Variants in BRINP3 observed in about 807,000 individuals in gnomAD.
BRINP3 encodes BMP/retinoic acid-inducible neural-specific protein 3.
Under a neutral mutation model 71.0 loss-of-function variants are expected in BRINP3, and 19 were observed. That is an observed-to-expected ratio of 0.27 (90% CI 0.19 to 0.39). The LOEUF (loss-of-function observed/expected upper bound fraction) is 0.39, where lower values mean the gene tolerates loss of function less well. Ranked by LOEUF, BRINP3 falls within the 10% of genes least tolerant of loss-of-function variation. BRINP3 has a pLI of 1.00. For synonymous variants in BRINP3, 380 were observed against 337.7 expected, an observed-to-expected ratio of 1.13 and a Z score of -1.37; for missense variants, 959 against 940.8, an observed-to-expected ratio of 1.02 and a Z score of -0.25.
At chr1:190,265,179 G>A in intron 3 of BRINP3, 124 bp from the exon 4 acceptor site, 1 of 804,142 alleles carries the variant, frequency 1.2e-6, no homozygotes. Flanking sequence ...ATGCCAAAAG[G>A]GCAAGGGGTT....
At chr1:190,120,661 A>AT (rs35320516) in intron 7 of BRINP3, among the ~76,000 whole-genome samples, 1,738 of 141,698 alleles carry the variant, frequency 0.012, 20 homozygotes, top group African/African-American at 0.019. Context: ...CGCCCGGCTA[A>AT]TTTTTTTTTT....
chr1:190,244,228 C>T (rs1244564098), intron 4 of BRINP3, among the ~76,000 whole-genome samples: 1 of 152,058 alleles, frequency 6.6e-6, no homozygotes, highest in Non-Finnish European at 1.5e-5. Context: ...CATAGACTAA[C>T]TTATAATTGT....
intron 7 of BRINP3, among the ~76,000 whole-genome samples, chr1:190,109,649 G>C (rs1443409760): frequency 1.3e-5 from 2 of 152,196 alleles, no homozygotes; most frequent in Non-Finnish European, 2.9e-5. Context: ...CACCCAATGT[G>C]GGCAGACACC....
Position 190,098,930 on chromosome 1 carries a change from G to A in BRINP3, c.1389C>T (p.Cys463=), listed in dbSNP as rs771998136. Reference sequence around the variant, plus strand: ...CCTGGCTGAGCATGTAGCCGGTGTTGCAGGTGCCGCAGCGGGTGCGGTTGT... The same window carrying A: ...CCTGGCTGAGCATGTAGCCGGTGTTACAGGTGCCGCAGCGGGTGCGGTTGT... ...APDNRTRCGT[C]NTGYMLSQGL... The change falls in exon 8 of 8, where the codon TGC becomes TGT. Residue 463 remains cysteine (C), a synonymous_variant. Coordinates refer to ENST00000367462, the MANE Select transcript of BRINP3 (RefSeq NM_199051.3). 4.3e-6 allele frequency: 7 copies of A among 1,614,186 alleles called. No individual in the cohort carries two copies. Among genetic ancestry groups the A allele is most frequent in the Non-Finnish European group, 5.9e-6 (7 of 1,180,034 alleles).
chr1:190,255,821 A>G (rs531541388), intron 4 of BRINP3, among the ~76,000 whole-genome samples: 9 of 152,016 alleles, frequency 5.9e-5, no homozygotes, highest in South Asian at 4.1e-4. Flanking sequence ...GTCTTCTGCT[A>G]GCTTTTGAAT....
At chr1:190,208,001 A>C (rs966821028) in intron 6 of BRINP3, among the ~76,000 whole-genome samples, 1 of 152,056 alleles carries the variant, frequency 6.6e-6, no homozygotes, top group African/African-American at 2.4e-5. Flanking sequence ...TCGCTGTGTC[A>C]CCCAAGCTGG....
chr1:190,324,041 A>G (rs972327678), intron 2 of BRINP3, among the ~76,000 whole-genome samples: 4 of 151,986 alleles, frequency 2.6e-5, no homozygotes, highest in African/African-American at 9.7e-5. Flanking sequence ...CAGGGTAAGA[A>G]CAATTAAAAC....
At chr1:190,468,111 A>G (rs1036397283) in intron 1 of BRINP3, among the ~76,000 whole-genome samples, 1 of 151,362 alleles carries the variant, frequency 6.6e-6, no homozygotes, top group African/African-American at 2.4e-5. Flanking sequence ...TTTAATTAAT[A>G]GTTAATAATT....
At chr1:190,222,803 G>T (rs1022899620) in intron 6 of BRINP3, among the ~76,000 whole-genome samples, 1 of 151,450 alleles carries the variant, frequency 6.6e-6, no homozygotes, top group Non-Finnish European at 1.5e-5. Flanking sequence ...AGAAAAAAAA[G>T]ACCTAATTAA....
rs182703246 is a variant in BRINP3, at chr1:190,455,064, G to A, written c.-50-124C>T. 85 of 522,064 alleles carry A rather than the reference G, an allele frequency of 1.6e-4. No homozygotes were observed. The East Asian group carries it at 2.5e-3, about 15-fold the overall frequency. 32.3% of individuals were successfully genotyped at this position (522,064 alleles called of 1,614,324 possible). On this transcript the variant is annotated intron_variant, in intron 1 of 7. Transcript: ENST00000367462. ...TTGTTTTAAATTAGTATTATCAGCA[G>A]ATAATAAAATACAAACCAAAATTAT...
chr1:190,415,231 G>GT (rs1460230004), intron 2 of BRINP3, among the ~76,000 whole-genome samples: 2 of 152,098 alleles, frequency 1.3e-5, no homozygotes, highest in African/African-American at 4.8e-5. Flanking sequence ...AATAAAGTTT[G>GT]TTAAGTAAAT....
intron 6 of BRINP3, among the ~76,000 whole-genome samples, chr1:190,201,710 A>T (rs770187181): frequency 2.0e-4 from 30 of 151,710 alleles, no homozygotes; most frequent in Non-Finnish European, 3.8e-4. Flanking sequence ...GTTGAAATAG[A>T]CCAACATAGA....
At chr1:190,138,440 C>T (rs535315879) in intron 7 of BRINP3, among the ~76,000 whole-genome samples, 25 of 152,186 alleles carry the variant, frequency 1.6e-4, no homozygotes, top group African/African-American at 5.5e-4. Context: ...AATCACCTTC[C>T]AGATATGAAA....
At chr1:190,243,321 CCA>C (rs1249659783) in intron 4 of BRINP3, among the ~76,000 whole-genome samples, 1 of 151,964 alleles carries the variant, frequency 6.6e-6, no homozygotes, top group Non-Finnish European at 1.5e-5. Flanking sequence ...AAACTCACTC[CCA>C]CAGATGTTAT....
intron 7 of BRINP3, among the ~76,000 whole-genome samples, chr1:190,153,345 A>G (rs573753088): frequency 1.3e-5 from 2 of 152,270 alleles, no homozygotes; most frequent in South Asian, 2.1e-4. Context: ...AGTGTATTAG[A>G]AAATACCTAC....
chr1:190,341,365 T>C (rs932186419), intron 2 of BRINP3, among the ~76,000 whole-genome samples: 1 of 151,922 alleles, frequency 6.6e-6, no homozygotes, highest in Non-Finnish European at 1.5e-5. Context: ...TACATGATAA[T>C]ATATGATGTT....
rs117640273 is a variant in BRINP3, at chr1:190,212,800, C to A, written c.961+13282G>T. Among the ~76,000 whole-genome samples the A allele has an allele frequency of 4.1e-4, 62 of 152,208 alleles. 1 individual carries two copies. The East Asian group carries it at 7.6e-3, about 19-fold the overall frequency. On this transcript the variant is annotated intron_variant, in intron 6 of 7. Coordinates refer to ENST00000367462, the MANE Select transcript of BRINP3 (RefSeq NM_199051.3). The stretch of plus-strand genomic sequence containing the variant: ...TCATTCAAGATAGTGATGTTTCCAT[C>A]AGCCTGAGTCCAGGAGTGAAGTCAA...
chr1:190,117,318 T>C (rs1272109259), intron 7 of BRINP3, among the ~76,000 whole-genome samples: 1 of 152,012 alleles, frequency 6.6e-6, no homozygotes, highest in Admixed American at 6.6e-5. Flanking sequence ...ACTCTATAAA[T>C]AATTGTTGAA....
intron 2 of BRINP3, among the ~76,000 whole-genome samples, chr1:190,452,152 A>T (rs1036762212): frequency 6.6e-6 from 1 of 152,204 alleles, no homozygotes; most frequent in African/African-American, 2.4e-5. Context: ...TATGGCAAAC[A>T]TTAATGAAAA....
Sources: allele counts gnomAD v4.1 joint callset (sites outside exome capture counted in the v4.1 genomes callset), GRCh38; gene constraint gnomAD v4.1.1; transcripts MANE v1.5; gene names NCBI Gene and HGNC (gene_info 2026-07-23, HGNC 2026-07-21).